BCAS1: variants seen among roughly 807,000 people sequenced by gnomAD.
BCAS1 encodes the protein brain enriched myelin associated protein 1.
BCAS1 carries 46 observed loss-of-function variants against 65.4 expected under a neutral mutation model. That is an observed-to-expected ratio of 0.70 (90% CI 0.55 to 0.90). The LOEUF (loss-of-function observed/expected upper bound fraction) is 0.90. Among genes scored for constraint, BCAS1 ranks in the 40% least tolerant of loss-of-function variants. The probability of loss-of-function intolerance (pLI) is 0.00; values close to 1 mark genes in which losing one functional copy is unlikely to be tolerated. For missense variants in BCAS1, 793 were observed against 771.2 expected (o/e 1.03, Z -0.33); for synonymous variants, 298 against 293.5 (o/e 1.02, Z -0.16).
chr20:53,997,821 G>T (rs1035399621), intron 4 of BCAS1, among the ~76,000 whole-genome samples: 7 of 152,062 alleles, frequency 4.6e-5, no homozygotes, highest in Non-Finnish European at 1.0e-4. Flanking sequence ...GGGGAGCTTG[G>T]TCTGGAGGTG....
chr20:54,014,781 G>C (rs761989844), intron 4 of BCAS1, among the ~76,000 whole-genome samples: 1 of 152,156 alleles, frequency 6.6e-6, no homozygotes, highest in South Asian at 2.1e-4. Context: ...AGAATATCAC[G>C]CGAGCACAGA....
At chr20:53,988,902 C>G (rs2090681872) in intron 7 of BCAS1, among the ~76,000 whole-genome samples, 1 of 152,170 alleles carries the variant, frequency 6.6e-6, no homozygotes, top group Non-Finnish European at 1.5e-5. Context: ...AATAGTGACT[C>G]CATACTACAC....
In BCAS1 at chr20:54,047,058, C is replaced by T. The variant is rs114264080; in HGVS notation, c.142+11027G>A. Among the ~76,000 whole-genome samples, 447 of 152,236 alleles carry T rather than the reference C, an allele frequency of 2.9e-3. 2 individuals are homozygous for T. The highest frequency in any genetic ancestry group is 0.01 in the African/African-American group (429 of 41,528). On this transcript the variant is annotated intron_variant, in intron 3 of 12. Coordinates refer to ENST00000688948, the MANE Select transcript of BCAS1 (RefSeq NM_001366298.2). ...CTATTAGCTGAAATGCCCATGATGT[C>T]TTCTTTAATCACAGGTCTGGTTCCT...
At chr20:53,996,444 A>G (rs2090912974) in intron 4 of BCAS1, among the ~76,000 whole-genome samples, 1 of 146,212 alleles carries the variant, frequency 6.8e-6, no homozygotes, top group South Asian at 2.3e-4. Context: ...ATTTCCACAG[A>G]GTTGGATTAT....
intron 4 of BCAS1, among the ~76,000 whole-genome samples, chr20:54,017,052 G>A (rs969512895): frequency 3.3e-5 from 5 of 152,168 alleles, no homozygotes; most frequent in Admixed American, 1.3e-4. Context: ...GTTATTAACT[G>A]ATGTGGAGAT....
chr20:54,024,707 G>A (rs546747454), intron 4 of BCAS1, among the ~76,000 whole-genome samples: 14 of 152,166 alleles, frequency 9.2e-5, no homozygotes, highest in Non-Finnish European at 2.1e-4. Context: ...GAGGTGGAAG[G>A]ATGTTGTTTC....
At chr20:53,968,424 C>T (rs1352070332) in intron 9 of BCAS1, among the ~76,000 whole-genome samples, 2 of 152,144 alleles carry the variant, frequency 1.3e-5, no homozygotes, top group Admixed American at 6.5e-5. Context: ...CCAAAAATAT[C>T]GTCTGCTGAG....
intron 10 of BCAS1, among the ~76,000 whole-genome samples, chr20:53,962,794 C>T (rs1282224082): frequency 6.6e-6 from 1 of 152,136 alleles, no homozygotes; most frequent in African/African-American, 2.4e-5. Context: ...TTAGGACTTA[C>T]ATGATTCTGT....
intron 4 of BCAS1, among the ~76,000 whole-genome samples, chr20:54,006,432 G>C (rs1388943811): frequency 6.6e-6 from 1 of 152,170 alleles, no homozygotes; most frequent in Non-Finnish European, 1.5e-5. Context: ...GGATTGGGCT[G>C]GGCATGGTGG....
intron 4 of BCAS1, among the ~76,000 whole-genome samples, chr20:54,015,203 T>C (rs1431348531): frequency 6.6e-6 from 1 of 152,164 alleles, no homozygotes; most frequent in South Asian, 2.1e-4. Flanking sequence ...GGCTAATTTT[T>C]GTATTTTCAG....
At chr20:53,994,749 TTG>T (rs1218758113) in intron 6 of BCAS1, among the ~76,000 whole-genome samples, 5 of 152,132 alleles carry the variant, frequency 3.3e-5, no homozygotes, top group Non-Finnish European at 7.4e-5. Flanking sequence ...GAAATTGGTA[TTG>T]TGATATTATT....
intron 9 of BCAS1, among the ~76,000 whole-genome samples, chr20:53,970,378 G>A (rs1461363587): frequency 6.6e-6 from 1 of 152,218 alleles, no homozygotes; most frequent in Non-Finnish European, 1.5e-5. Flanking sequence ...CTGACATCCA[G>A]TGTGGAAATC....
intron 8 of BCAS1, among the ~76,000 whole-genome samples, chr20:53,978,800 G>T (rs2090403428): frequency 6.6e-6 from 1 of 152,156 alleles, no homozygotes; most frequent in Non-Finnish European, 1.5e-5. Flanking sequence ...ACATGTAAAA[G>T]AAAATCTGCT....
intron 12 of BCAS1, among the ~76,000 whole-genome samples, chr20:53,949,018 C>A (rs987704852): frequency 6.6e-6 from 1 of 152,190 alleles, no homozygotes; most frequent in Non-Finnish European, 1.5e-5. Context: ...ACCTGCTAAA[C>A]CTGCCTGCAG....
At chr20:54,010,896 C>A (rs114008395) in intron 4 of BCAS1, among the ~76,000 whole-genome samples, 1,957 of 152,176 alleles carry the variant, frequency 0.013, 42 homozygotes, top group African/African-American at 0.045. Context: ...CATATAGAAC[C>A]AATGGAATAG....
intron 4 of BCAS1, among the ~76,000 whole-genome samples, chr20:54,010,922 C>T (rs2091305409): frequency 6.6e-6 from 1 of 152,070 alleles, no homozygotes; most frequent in African/African-American, 2.4e-5. Flanking sequence ...CCAGAAAAGA[C>T]CCACACAAGT....
Position 54,015,192 on chromosome 20 carries a change from C to T in BCAS1, c.723+13200G>A, listed in dbSNP as rs2091408568. Among the ~76,000 whole-genome samples the T allele has an allele frequency of 2.0e-5, 3 of 152,004 alleles. No individual in the cohort carries two copies. The South Asian group carries it at 6.2e-4, about 32-fold the overall frequency. On this transcript the variant is annotated intron_variant, in intron 4 of 12. Coordinates refer to ENST00000688948, the MANE Select transcript of BCAS1 (RefSeq NM_001366298.2). ...GATTACAGGCATGTGCCACCATGCCCGGCTAATTTTTGTATTTTCAGTAGA... is the reference window on the plus strand; with the variant it reads ...GATTACAGGCATGTGCCACCATGCCTGGCTAATTTTTGTATTTTCAGTAGA...
chr20:54,055,236 G>T (rs536343640), intron 3 of BCAS1, among the ~76,000 whole-genome samples: 96 of 152,292 alleles, frequency 6.3e-4, no homozygotes, highest in African/African-American at 2.2e-3. Context: ...TAGTATGGAA[G>T]TTCCTAAGAA....
At chr20:54,056,399 A>C (rs1457953867) in intron 3 of BCAS1, among the ~76,000 whole-genome samples, 1 of 152,198 alleles carries the variant, frequency 6.6e-6, no homozygotes, top group Non-Finnish European at 1.5e-5. Flanking sequence ...GTGGGAGCTA[A>C]GCCATGTGTA....
Sources: allele counts gnomAD v4.1 joint callset (sites outside exome capture counted in the v4.1 genomes callset), GRCh38; gene constraint gnomAD v4.1.1; transcripts MANE v1.5; gene names NCBI Gene and HGNC (gene_info 2026-07-23, HGNC 2026-07-21).